PGBD2: variants seen among roughly 807,000 people sequenced by gnomAD.
The protein encoded by PGBD2 is piggyBac transposable element-derived protein 2.
A neutral mutation model predicts 8.1 loss-of-function variants in PGBD2; 6 were observed. That is an observed-to-expected ratio of 0.74 (90% CI 0.40 to 1.46). The LOEUF is 1.46. PGBD2 is among the 40% of genes most tolerant of loss of function. PGBD2 has a pLI of 0.02. For synonymous variants in PGBD2, 318 were observed against 272.2 expected (o/e 1.17, Z -1.66); for missense variants, 802 against 739.0 (o/e 1.09, Z -0.99).
At chr1:248,892,838 A>T in the PGBD2 span, among the ~76,000 whole-genome samples, 1 of 152,198 alleles carries the variant, frequency 6.6e-6, no homozygotes, top group Non-Finnish European at 1.5e-5. Flanking sequence ...ACTCAGGCTA[A>T]CCACTCAGGT....
chr1:248,913,431 T>G (rs902443289), intron 1 of PGBD2, among the ~76,000 whole-genome samples: 1 of 152,204 alleles, frequency 6.6e-6, no homozygotes, highest in African/African-American at 2.4e-5. Context: ...AACTTCTAAT[T>G]AATATATTCA....
the PGBD2 span, among the ~76,000 whole-genome samples, chr1:248,875,948 G>A: frequency 1.3e-5 from 2 of 150,630 alleles, no homozygotes; most frequent in East Asian, 3.9e-4. Flanking sequence ...TCACATCCTT[G>A]TTCCTAGAAC....
At chr1:248,915,486 A>G (rs1185697217) in intron 2 of PGBD2, among the ~76,000 whole-genome samples, 1 of 152,218 alleles carries the variant, frequency 6.6e-6, no homozygotes, top group East Asian at 1.9e-4. Context: ...GCTAATGTAA[A>G]TGTTCTGAGC....
chr1:248,908,634 C>G (rs1182518873), intron 1 of PGBD2, among the ~76,000 whole-genome samples: 1 of 152,100 alleles, frequency 6.6e-6, no homozygotes, highest in African/African-American at 2.4e-5. Context: ...ATACTGCACC[C>G]AGAATAAGCT....
At chr1:248,896,851 C>T in the PGBD2 span, among the ~76,000 whole-genome samples, 4 of 152,176 alleles carry the variant, frequency 2.6e-5, no homozygotes, top group South Asian at 2.1e-4. Flanking sequence ...GGGGATCGCC[C>T]GCTCCCAGGC....
chr1:248,876,129 C>T, the PGBD2 span, among the ~76,000 whole-genome samples: 1 of 152,000 alleles, frequency 6.6e-6, no homozygotes, highest in Non-Finnish European at 1.5e-5. Flanking sequence ...CTGCCTCAGC[C>T]TCCCGAGTAG....
chr1:248,910,206 T>C (rs1417761934), intron 1 of PGBD2, among the ~76,000 whole-genome samples: 2 of 152,304 alleles, frequency 1.3e-5, no homozygotes, highest in Admixed American at 6.5e-5. Flanking sequence ...TGCAGCAAAA[T>C]GTATGGATAT....
chr1:248,914,945 T>C (rs1017391227), intron 2 of PGBD2, among the ~76,000 whole-genome samples: 2 of 152,220 alleles, frequency 1.3e-5, no homozygotes, highest in African/African-American at 4.8e-5. Flanking sequence ...GTCAGGACTG[T>C]GTGCCTGTGG....
chr1:248,896,322 T>A, the PGBD2 span, among the ~76,000 whole-genome samples: 4 of 152,188 alleles, frequency 2.6e-5, no homozygotes, highest in Non-Finnish European at 5.9e-5. Flanking sequence ...TTAGTCTCCA[T>A]AATCCATAAG....
At position 248,918,420 on chromosome 1, in the gene PGBD2, G is replaced by A; in HGVS notation, c.*57G>A. ...GAGATGTTTACAGTTAAATACAGAT[G>A]GCAGTTGAGCACTTCTGTTTTGTGT... On this transcript the variant is annotated 3_prime_UTR_variant, in exon 3 of 3. Transcript: ENST00000329291. 6.8e-7 allele frequency: 1 copy of A among 1,480,276 alleles called. No individual in the cohort carries two copies. Among genetic ancestry groups the A allele is most frequent in the Middle Eastern group, 1.8e-4 (1 of 5,498 alleles). 91.7% of individuals were successfully genotyped at this position (1,480,276 alleles called of 1,614,324 possible).
the PGBD2 span, among the ~76,000 whole-genome samples, chr1:248,882,550 G>A: frequency 2.6e-5 from 4 of 152,290 alleles, no homozygotes; most frequent in East Asian, 7.7e-4. Context: ...ATTCTCAGAA[G>A]GGAGTATGCC....
At chr1:248,874,377 C>G in the PGBD2 span, among the ~76,000 whole-genome samples, 1 of 152,150 alleles carries the variant, frequency 6.6e-6, no homozygotes, top group Non-Finnish European at 1.5e-5. Flanking sequence ...TTCCCAGAGT[C>G]AGCTATGACT....
the PGBD2 span, among the ~76,000 whole-genome samples, chr1:248,896,423 CA>C: frequency 2.6e-5 from 4 of 152,208 alleles, no homozygotes; most frequent in East Asian, 7.7e-4. Flanking sequence ...CACAATCATG[CA>C]TACGTTTATC....
intron 1 of PGBD2, among the ~76,000 whole-genome samples, chr1:248,907,664 C>G (rs985812515): frequency 6.6e-6 from 1 of 152,212 alleles, no homozygotes; most frequent in East Asian, 1.9e-4. Flanking sequence ...ACCAAGCATA[C>G]TGCTTGTAAA....
chr1:248,876,465 G>A, the PGBD2 span, among the ~76,000 whole-genome samples: 5 of 152,154 alleles, frequency 3.3e-5, no homozygotes, highest in African/African-American at 7.2e-5. Context: ...CTTAAGCAAC[G>A]TATCTTATTC....
At chr1:248,923,682 C>G (rs531406925), downstream of PGBD2, among the ~76,000 whole-genome samples, 12 of 152,364 alleles carry the variant, frequency 7.9e-5, 1 homozygote, top group South Asian at 2.5e-3. Context: ...TTAGAACTTT[C>G]TTTTCCTCAT....
At chr1:248,913,734 T>G in intron 1 of PGBD2, 82 bp from the exon 2 acceptor site, 1 of 764,172 alleles carries the variant, frequency 1.3e-6, no homozygotes, top group Non-Finnish European at 2.3e-6. Flanking sequence ...AATATATTTT[T>G]CCCTTAAATG....
chr1:248,913,619 C>G (rs1457088299), intron 1 of PGBD2, among the ~76,000 whole-genome samples, 197 bp from the exon 2 acceptor site: 2 of 152,150 alleles, frequency 1.3e-5, no homozygotes, highest in African/African-American at 4.8e-5. Context: ...ATATCATCTA[C>G]TTTAGAATGT....
chr1:248,904,719 T>C (rs1382197198), upstream of PGBD2, among the ~76,000 whole-genome samples: 3 of 152,216 alleles, frequency 2.0e-5, no homozygotes, highest in Non-Finnish European at 4.4e-5. Flanking sequence ...GGGAATTTGC[T>C]CTTCATATTC....
Sources: gnomAD v4.1 joint callset for allele counts (sites outside exome capture counted in the v4.1 genomes callset) on GRCh38, gnomAD v4.1.1 for gene constraint, MANE v1.5 for transcripts, NCBI Gene and HGNC (gene_info 2026-07-23, HGNC 2026-07-21) for gene names.